The following CCL28 variants were observed in gnomAD, a reference collection of about 807,000 sequenced individuals.
CCL28 encodes C-C motif chemokine 28.
CCL28 carries 4 observed loss-of-function variants against 7.1 expected under a neutral mutation model. The ratio of observed to expected loss-of-function variants is 0.56; its 90% CI spans 0.28 to 1.29. The LOEUF is 1.29. Ranked by LOEUF, CCL28 falls within the 50% of genes most tolerant of loss-of-function variation. The pLI, the probability that CCL28 is intolerant of heterozygous loss-of-function variation, is 0.11. For missense variants in CCL28, 151 were observed against 163.4 expected (o/e 0.92, Z 0.41); for synonymous variants, 55 against 57.8 (o/e 0.95, Z 0.22).
At chr5:43,374,114 G>A (rs189067443), downstream of CCL28, among the ~76,000 whole-genome samples, 345 of 152,238 alleles carry the variant, frequency 2.3e-3, 2 homozygotes, top group Non-Finnish European at 2.1e-3. Flanking sequence ...GTGGTGTTTT[G>A]TTTTCATTGT....
At chr5:43,410,204 A>G (rs1222349099) in intron 1 of CCL28, among the ~76,000 whole-genome samples, 1 of 151,412 alleles carries the variant, frequency 6.6e-6, no homozygotes, top group Non-Finnish European at 1.5e-5. Context: ...CTCCCTCCCC[A>G]CTTGGTTTTC....
At chr5:43,367,552 T>G in the CCL28 span, among the ~76,000 whole-genome samples, 96,024 of 151,940 alleles carry the variant, frequency 0.63, 32,636 homozygotes, top group African/African-American at 0.89. Flanking sequence ...CTCACCCTCT[T>G]TAGGCTGCAC....
In CCL28 at chr5:43,381,990, A is replaced by G; in HGVS notation, c.254T>C (p.Met85Thr). The change falls in exon 3 of 3, where the codon ATG (methionine) becomes ACG (threonine). Residue 85 changes from methionine to threonine, a missense_variant. Physicochemically the swap from Met to Thr is moderately conservative, Grantham distance 81 (BLOSUM62 -1). Coordinates refer to ENST00000361115, the MANE Select transcript of CCL28 (RefSeq NM_148672.3). ...SPHNHTVKQW[M>T]KVQAAKKNGK... Reference sequence around the variant, plus strand: ...ATTTTTCTTGGCAGCTTGCACTTTCATCCACTGCTTAACAGTATGGTTGTG... The same window carrying G: ...ATTTTTCTTGGCAGCTTGCACTTTCGTCCACTGCTTAACAGTATGGTTGTG... 2 of 1,614,146 alleles carry G rather than the reference A, an allele frequency of 1.2e-6. No individual in the cohort carries two copies. Among genetic ancestry groups the G allele is most frequent in the South Asian group, 2.2e-5 (2 of 91,086 alleles).
the CCL28 span, among the ~76,000 whole-genome samples, chr5:43,358,756 TAAAC>T: frequency 6.6e-6 from 1 of 152,186 alleles, no homozygotes; most frequent in East Asian, 1.9e-4. Flanking sequence ...TATTTACAGA[TAAAC>T]AAACCAATGT....
downstream of CCL28, among the ~76,000 whole-genome samples, chr5:43,378,910 G>A (rs1393937212): frequency 6.6e-6 from 1 of 151,824 alleles, no homozygotes; most frequent in East Asian, 1.9e-4. Flanking sequence ...GCAGTGAGCC[G>A]AGATTGCACC....
At position 43,388,495 on chromosome 5, in the gene CCL28, G is replaced by T. The variant is rs1437306046; in HGVS notation, c.65-19C>A. On this transcript the variant is annotated intron_variant, in intron 1 of 2. Coordinates refer to ENST00000361115, the MANE Select transcript of CCL28 (RefSeq NM_148672.3). ...AGTATGGCTAAAAGAAGAAAAGAAA[G>T]AAAATGTTAAATTTTACGGTTTATA... is the stretch of plus-strand genomic sequence containing the variant. 3.7e-6 allele frequency: 6 copies of T among 1,611,308 alleles called. No individual in the cohort carries two copies. Among genetic ancestry groups the T allele is most frequent in the African/African-American group, 1.3e-5 (1 of 74,712 alleles).
At chr5:43,365,110 T>C in the CCL28 span, among the ~76,000 whole-genome samples, 2 of 151,400 alleles carry the variant, frequency 1.3e-5, no homozygotes, top group Non-Finnish European at 2.9e-5. Context: ...GTTCAAGTGA[T>C]TCTCCTGCCT....
intron 1 of CCL28, 81 bp downstream of exon 1, chr5:43,412,172 C>T: frequency 9.4e-7 from 1 of 1,060,402 alleles, no homozygotes; most frequent in Non-Finnish European, 1.3e-6. Context: ...ATATTCTTGC[C>T]CCACCTCAAT....
intron 1 of CCL28, among the ~76,000 whole-genome samples, chr5:43,405,922 AT>A (rs1741256768): frequency 6.6e-6 from 1 of 152,194 alleles, no homozygotes; most frequent in African/African-American, 2.4e-5. Flanking sequence ...TCCTGGACAC[AT>A]ACACCCTCCC....
At chr5:43,396,762 A>T (rs1478820505) in intron 1 of CCL28, among the ~76,000 whole-genome samples, 1 of 152,108 alleles carries the variant, frequency 6.6e-6, no homozygotes, top group African/African-American at 2.4e-5. Context: ...AGAAAAAAAG[A>T]AAGAAAGAAA....
chr5:43,360,246 T>G, the CCL28 span, among the ~76,000 whole-genome samples: 4 of 152,118 alleles, frequency 2.6e-5, no homozygotes, highest in Non-Finnish European at 5.9e-5. Context: ...GTAAAAAAAA[T>G]GAAATAATAT....
At chr5:43,382,476 T>C (rs934688450) in intron 2 of CCL28, among the ~76,000 whole-genome samples, 1 of 152,330 alleles carries the variant, frequency 6.6e-6, no homozygotes, top group Admixed American at 6.5e-5. Context: ...ATTTTTCTGA[T>C]CCGTAAGGAT....
intron 1 of CCL28, among the ~76,000 whole-genome samples, chr5:43,399,489 C>A (rs1740943903): frequency 6.6e-6 from 1 of 152,196 alleles, no homozygotes; most frequent in African/African-American, 2.4e-5. Flanking sequence ...CACAGGGCAT[C>A]TTTGTAACCC....
At chr5:43,364,500 G>T in the CCL28 span, among the ~76,000 whole-genome samples, 10 of 151,890 alleles carry the variant, frequency 6.6e-5, no homozygotes, top group Admixed American at 1.3e-4. Flanking sequence ...TAAAAATAAA[G>T]AATTTTTTAA....
intron 1 of CCL28, among the ~76,000 whole-genome samples, chr5:43,407,971 A>T (rs1214912615): frequency 1.3e-5 from 2 of 152,236 alleles, no homozygotes; most frequent in Non-Finnish European, 2.9e-5. Context: ...AATGGCAATC[A>T]TTCAAAAGTC....
intron 1 of CCL28, among the ~76,000 whole-genome samples, chr5:43,399,354 C>A (rs1272447694): frequency 6.6e-6 from 1 of 152,180 alleles, no homozygotes. Context: ...TGTCTACTTT[C>A]TTCCAATTTT....
intron 1 of CCL28, among the ~76,000 whole-genome samples, chr5:43,406,241 A>T (rs1741273862): frequency 6.6e-6 from 1 of 152,146 alleles, no homozygotes; most frequent in Admixed American, 6.5e-5. Flanking sequence ...CGATGCAAAA[A>T]TCCTCAATAA....
At chr5:43,361,855 C>CT in the CCL28 span, among the ~76,000 whole-genome samples, 55 of 144,680 alleles carry the variant, frequency 3.8e-4, no homozygotes, top group South Asian at 8.7e-4. Flanking sequence ...ATCTATGTGT[C>CT]TTTTTTTTTT....
At chr5:43,411,128 A>G (rs1490384201) in intron 1 of CCL28, among the ~76,000 whole-genome samples, 2 of 152,214 alleles carry the variant, frequency 1.3e-5, no homozygotes, top group African/African-American at 4.8e-5. Flanking sequence ...GAGAAGCTTT[A>G]AAATCCAATT....
Sources: gnomAD v4.1 joint callset for allele counts (sites outside exome capture counted in the v4.1 genomes callset) on GRCh38, gnomAD v4.1.1 for gene constraint, MANE v1.5 for transcripts, NCBI Gene and HGNC (gene_info 2026-07-23, HGNC 2026-07-21) for gene names.